Variants in ADAM12 observed in about 807,000 individuals in gnomAD.
ADAM12 encodes the protein disintegrin and metalloproteinase domain-containing protein 12.
ADAM12 carries 70 observed loss-of-function variants against 106.4 expected under a neutral mutation model. The observed-to-expected ratio is 0.66, with a 90% CI of 0.54 to 0.80. The LOEUF is 0.80. ADAM12 is among the 30% of genes least tolerant of loss of function. The pLI is 0.00. For missense variants in ADAM12, 1,010 were observed against 1,171.9 expected (o/e 0.86, Z 2.02); for synonymous variants, 420 against 433.5 (o/e 0.97, Z 0.39).
rs1404580923 is a variant in ADAM12 at position 126,057,305 on chromosome 10, T to C, written c.1609+7501A>G. ...GGGTGCAGCGCACCAGCATGGCACA[T>C]GTATACATATGTAACTAACCTGCAC... On this transcript the variant is annotated intron_variant, in intron 14 of 22. Coordinates refer to ENST00000448723, the MANE Select transcript of ADAM12 (RefSeq NM_001288973.2). Among the ~76,000 whole-genome samples, 12 of 55,380 alleles carry C rather than the reference T, an allele frequency of 2.2e-4. 4 individuals carry two copies. The highest frequency in any genetic ancestry group is 4.0e-5 in the Non-Finnish European group (1 of 24,788). The allele number at this position is 55,380 out of a possible 152,430, so 36.3% of individuals were successfully genotyped here. A position where few individuals can be genotyped will look rare whatever the true frequency, so the allele number is the denominator to read the frequency against.
chr10:126,321,190 TAA>T (rs1400303894), intron 2 of ADAM12, among the ~76,000 whole-genome samples: 3 of 152,208 alleles, frequency 2.0e-5, no homozygotes, highest in African/African-American at 7.2e-5. Context: ...CAGTCAAACA[TAA>T]AAAGCATTAC....
intron 3 of ADAM12, among the ~76,000 whole-genome samples, chr10:126,245,484 G>C (rs1267842617): frequency 1.3e-5 from 2 of 152,176 alleles, no homozygotes; most frequent in East Asian, 1.9e-4. Context: ...AGAAGATAGG[G>C]GGACCATCCT....
intron 3 of ADAM12, among the ~76,000 whole-genome samples, chr10:126,156,444 T>C (rs10901539): frequency 0.33 from 49,811 of 152,144 alleles, 9,866 homozygotes; most frequent in Non-Finnish European, 0.45. Flanking sequence ...AAGTAACCAA[T>C]GGAAACCTCT....
At chr10:126,364,217 C>A (rs1455308588) in intron 1 of ADAM12, among the ~76,000 whole-genome samples, 1 of 151,660 alleles carries the variant, frequency 6.6e-6, no homozygotes. Context: ...AATCAACAGT[C>A]AATATTAAAA....
intron 7 of ADAM12, 151 bp downstream of exon 7, chr10:126,109,624 T>C: frequency 1.7e-6 from 1 of 598,738 alleles, no homozygotes; most frequent in Non-Finnish European, 2.8e-6. Context: ...CTTTATAAAA[T>C]CAGAAAACCA....
chr10:126,036,126 T>C lies in ADAM12; in HGVS notation c.2529+20A>G. On this transcript the variant is annotated intron_variant, in intron 21 of 22. Coordinates refer to ENST00000448723, the MANE Select transcript of ADAM12 (RefSeq NM_001288973.2). ...TCTGGATTTGAACTACATCCTATCA[T>C]ATTAGTACTGAAAGCATACCTGGGC... 7.0e-7 allele frequency: 1 copy of C among 1,420,058 alleles called. No homozygotes were observed. The highest frequency in any genetic ancestry group is 2.9e-5 in the Admixed American group (1 of 34,046). 88.0% of individuals were successfully genotyped at this position (1,420,058 alleles called of 1,614,324 possible).
At chr10:126,338,591 T>C (rs1262221229) in intron 1 of ADAM12, among the ~76,000 whole-genome samples, 10 of 152,224 alleles carry the variant, frequency 6.6e-5, no homozygotes, top group Admixed American at 5.9e-4. Context: ...GTGAGTGAGA[T>C]ACTAATCCCA....
chr10:126,036,106 A>AT (rs1954054388), intron 21 of ADAM12, 40 bp downstream of exon 21: 2 of 1,343,308 alleles, frequency 1.5e-6, no homozygotes, highest in South Asian at 2.4e-5. Context: ...CAGAATCTGG[A>AT]TTTGAACTAC....
intron 6 of ADAM12, among the ~76,000 whole-genome samples, chr10:126,115,114 C>G (rs1428861769): frequency 6.6e-6 from 1 of 152,202 alleles, no homozygotes; most frequent in Non-Finnish European, 1.5e-5. Context: ...CCTATATGTA[C>G]ACAGTACCCA....
At chr10:126,294,258 CT>C (rs1172241662) in intron 2 of ADAM12, among the ~76,000 whole-genome samples, 3 of 152,182 alleles carry the variant, frequency 2.0e-5, no homozygotes, top group African/African-American at 7.2e-5. Context: ...AGAATTTTGG[CT>C]GTTGATTTGC....
intron 2 of ADAM12, among the ~76,000 whole-genome samples, chr10:126,301,453 G>C (rs1198289023): frequency 6.6e-6 from 1 of 152,156 alleles, no homozygotes; most frequent in East Asian, 1.9e-4. Flanking sequence ...AGACACACTG[G>C]AAATTAGGTG....
At chr10:126,041,559 T>A (rs1349704776) in intron 18 of ADAM12, 1 of 985,766 alleles carries the variant, frequency 1.0e-6, no homozygotes, top group African/African-American at 1.7e-5. Context: ...CCTACCTTCT[T>A]CTCCAGTTTG....
chr10:126,155,709 C>A (rs1254670390), intron 3 of ADAM12, among the ~76,000 whole-genome samples: 3 of 152,230 alleles, frequency 2.0e-5, no homozygotes, highest in Non-Finnish European at 4.4e-5. Flanking sequence ...ACAGTCTCCA[C>A]CAACTGGAAT....
Position 126,343,561 on chromosome 10 carries a change from G to A in ADAM12, c.89-13052C>T, listed in dbSNP as rs374743917. Among the ~76,000 whole-genome samples the A allele has an allele frequency of 1.1e-4, 16 of 152,240 alleles. No individual in the cohort carries two copies. In the South Asian group the frequency reaches 3.3e-3, roughly 32 times the overall value. The stretch of plus-strand genomic sequence containing the variant: ...ATATACCCAGTAATGGGATGGCTGG[G>A]TCAAATGGTATTTCTAGTTCTAGAT... On this transcript the variant is annotated intron_variant, in intron 1 of 22. Coordinates refer to ENST00000448723, the MANE Select transcript of ADAM12 (RefSeq NM_001288973.2).
intron 1 of ADAM12, among the ~76,000 whole-genome samples, chr10:126,387,417 G>C (rs1013034083): frequency 6.6e-6 from 1 of 152,198 alleles, no homozygotes; most frequent in Admixed American, 6.5e-5. Context: ...AGGAAGGAGG[G>C]AGAATTCCGC....
At chr10:126,256,240 C>T (rs1448015188) in intron 3 of ADAM12, among the ~76,000 whole-genome samples, 7 of 152,184 alleles carry the variant, frequency 4.6e-5, no homozygotes, top group Non-Finnish European at 1.0e-4. Context: ...TGAATGAACG[C>T]TTAGTTTGTG....
At chr10:126,063,415 T>C (rs1005981767) in intron 14 of ADAM12, among the ~76,000 whole-genome samples, 1 of 152,184 alleles carries the variant, frequency 6.6e-6, no homozygotes, top group Non-Finnish European at 1.5e-5. Context: ...TTACATTCCA[T>C]TGAAAACCCA....
intron 11 of ADAM12, among the ~76,000 whole-genome samples, chr10:126,071,877 A>G (rs10901530): frequency 6.6e-6 from 1 of 152,112 alleles, no homozygotes; most frequent in Non-Finnish European, 1.5e-5. Flanking sequence ...CGGCTGATGA[A>G]GAAGTGCTTT....
chr10:126,095,972 TACA>T (rs1955551189), intron 10 of ADAM12, among the ~76,000 whole-genome samples: 1 of 152,232 alleles, frequency 6.6e-6, no homozygotes, highest in Non-Finnish European at 1.5e-5. Context: ...TGTAAGATCT[TACA>T]GGTTTGTTGA....
Sources: allele counts gnomAD v4.1 joint callset (sites outside exome capture counted in the v4.1 genomes callset), GRCh38; gene constraint gnomAD v4.1.1; transcripts MANE v1.5; gene names NCBI Gene and HGNC (gene_info 2026-07-23, HGNC 2026-07-21).